The following RBMS3 variants were observed in gnomAD, a reference collection of about 807,000 sequenced individuals.
RBMS3 encodes the protein RNA binding motif single stranded interacting protein 3.
RBMS3 carries 27 observed loss-of-function variants against 66.8 expected under a neutral mutation model. That is an observed-to-expected ratio of 0.40 (90% CI 0.30 to 0.56). The LOEUF is 0.56. RBMS3 is among the 20% of genes least tolerant of loss of function. The pLI is 0.40. For missense variants in RBMS3, 513 were observed against 549.5 expected (o/e 0.93, Z 0.66); for synonymous variants, 188 against 183.0 (o/e 1.03, Z -0.22).
intron 6 of RBMS3, among the ~76,000 whole-genome samples, chr3:29,866,569 C>T (rs2059368580): frequency 1.3e-5 from 2 of 152,038 alleles, no homozygotes; most frequent in Admixed American, 1.3e-4. Flanking sequence ...TTTAAAATGG[C>T]AAGAGAGAAA....
intron 6 of RBMS3, among the ~76,000 whole-genome samples, chr3:29,862,923 TA>T (rs2059255480): frequency 6.7e-6 from 1 of 150,300 alleles, no homozygotes; most frequent in Non-Finnish European, 1.5e-5. Context: ...AGGATACTAA[TA>T]AAGATATGAT....
chr3:29,461,822 C>T (rs906405543), intron 2 of RBMS3, among the ~76,000 whole-genome samples: 7 of 151,320 alleles, frequency 4.6e-5, no homozygotes, highest in South Asian at 2.1e-4. Flanking sequence ...GGTGCGATCT[C>T]GGCTCACTGC....
chr3:29,779,047 A>C (rs146271283), intron 6 of RBMS3, among the ~76,000 whole-genome samples: 4,440 of 151,950 alleles, frequency 0.029, 83 homozygotes, highest in Non-Finnish European at 0.047. Flanking sequence ...TAGTCTGGTC[A>C]AAGATTCCTC....
Position 29,662,283 on chromosome 3 carries a change from C to T in RBMS3, c.399+75078C>T, listed in dbSNP as rs961753514. 9.9e-5 allele frequency among the ~76,000 whole-genome samples: 15 copies of T among 152,214 alleles called. No homozygotes were observed. The East Asian group carries it at 2.5e-3, about 26-fold the overall frequency. ...AAGAGAGCCCAGTTACACACTTTGACATCTCCTAGTTTTTCAACAGAAGAA... is the reference window on the plus strand; with the variant it reads ...AAGAGAGCCCAGTTACACACTTTGATATCTCCTAGTTTTTCAACAGAAGAA... On this transcript the variant is annotated intron_variant, in intron 4 of 14. Coordinates refer to ENST00000383767, the MANE Select transcript of RBMS3 (RefSeq NM_001003793.3).
At chr3:29,812,617 G>A (rs942885465) in intron 6 of RBMS3, among the ~76,000 whole-genome samples, 16 of 152,156 alleles carry the variant, frequency 1.1e-4, no homozygotes, top group African/African-American at 3.6e-4. Context: ...ACTTGGAATG[G>A]AAGGCATATT....
At chr3:29,799,201 C>T (rs2057312399) in intron 6 of RBMS3, among the ~76,000 whole-genome samples, 1 of 152,140 alleles carries the variant, frequency 6.6e-6, no homozygotes, top group Admixed American at 6.5e-5. Flanking sequence ...ATTTCTAACA[C>T]AGATGGTCAA....
intron 8 of RBMS3, among the ~76,000 whole-genome samples, chr3:29,894,707 A>T (rs1054071489): frequency 1.3e-5 from 2 of 151,570 alleles, no homozygotes; most frequent in Non-Finnish European, 3.0e-5. Flanking sequence ...ATAATTTTTT[A>T]AATTACCACT....
intron 4 of RBMS3, among the ~76,000 whole-genome samples, chr3:29,588,003 G>A (rs974422358): frequency 6.6e-6 from 1 of 151,876 alleles, no homozygotes; most frequent in African/African-American, 2.4e-5. Context: ...TACATATTGC[G>A]CCAATGTCAG....
chr3:29,967,656 G>A lies in RBMS3; in HGVS notation c.1099-20487G>A, dbSNP rs149984760. Among the ~76,000 whole-genome samples, 557 of 152,220 alleles carry A rather than the reference G, an allele frequency of 3.7e-3. 2 individuals are homozygous for A. The highest frequency in any genetic ancestry group is 0.013 in the African/African-American group (536 of 41,518). On this transcript the variant is annotated intron_variant, in intron 12 of 14. Transcript: ENST00000383767. ...TGTTTCAATCTTGCTGCTTGTTATC[G>A]GTCTGTTCAGGGCATCTAATTCTTC...
intron 1 of RBMS3, among the ~76,000 whole-genome samples, chr3:29,286,442 A>T (rs1167115154): frequency 2.0e-5 from 3 of 152,134 alleles, no homozygotes; most frequent in Non-Finnish European, 4.4e-5. Flanking sequence ...GTAGAAACGT[A>T]AAAAGTTCAT....
At chr3:29,986,857 C>T (rs146696839) in intron 12 of RBMS3, among the ~76,000 whole-genome samples, 4,134 of 152,158 alleles carry the variant, frequency 0.027, 72 homozygotes, top group South Asian at 0.059. Context: ...GCATGAGAAT[C>T]GCTTGAACCC....
In RBMS3 at chr3:29,886,788, T is replaced by G. The variant is rs1346382957; in HGVS notation, c.791+2580T>G. 2.6e-5 allele frequency among the ~76,000 whole-genome samples: 4 copies of G among 151,660 alleles called. No homozygotes were observed. The Admixed American group carries it at 2.6e-4, about 10-fold the overall frequency. ...AGGAAAATCCTCTTAGTAGGAAGCA[T>G]CATTAAGAGGATATTAAAATAGTAC... On this transcript the variant is annotated intron_variant, in intron 8 of 14. Coordinates refer to ENST00000383767, the MANE Select transcript of RBMS3 (RefSeq NM_001003793.3).
intron 4 of RBMS3, among the ~76,000 whole-genome samples, chr3:29,590,885 C>T (rs1230853052): frequency 6.6e-6 from 1 of 152,156 alleles, no homozygotes; most frequent in Non-Finnish European, 1.5e-5. Flanking sequence ...TTATGTCACA[C>T]ATTTATAAGA....
Position 29,333,405 on chromosome 3 carries a change from C to T in RBMS3, c.75+51649C>T, listed in dbSNP as rs567847403. Among the ~76,000 whole-genome samples, 10 of 152,126 alleles carry T rather than the reference C, an allele frequency of 6.6e-5. No homozygotes were observed. In the East Asian group the frequency reaches 9.7e-4, roughly 15 times the overall value. ...GCACGTATAACATTCAGTGCTGAGA[C>T]GGTGGCTTAACAATTCATGGGGCTT... On this transcript the variant is annotated intron_variant, in intron 1 of 14. Transcript: ENST00000383767.
At chr3:29,478,202 G>C (rs2043014706) in intron 2 of RBMS3, among the ~76,000 whole-genome samples, 1 of 152,182 alleles carries the variant, frequency 6.6e-6, no homozygotes. Context: ...CAGATACAGT[G>C]AGAACCAATT....
At chr3:29,972,865 AC>A (rs1169495762) in intron 12 of RBMS3, among the ~76,000 whole-genome samples, 1 of 152,102 alleles carries the variant, frequency 6.6e-6, no homozygotes, top group Non-Finnish European at 1.5e-5. Context: ...ATAGAAAACA[AC>A]AAAGCTTCCA....
chr3:29,733,862 T>C (rs1379768412), intron 4 of RBMS3, among the ~76,000 whole-genome samples: 1 of 152,168 alleles, frequency 6.6e-6, no homozygotes, highest in Admixed American at 6.5e-5. Context: ...AGTCTTCTAG[T>C]AGTTTACAGT....
chr3:29,695,388 C>T (rs1344869279), intron 4 of RBMS3, among the ~76,000 whole-genome samples: 1 of 152,052 alleles, frequency 6.6e-6, no homozygotes, highest in Admixed American at 6.6e-5. Flanking sequence ...GTAGGCATTC[C>T]ACAAATGTAA....
At chr3:29,490,492 C>G (rs1185527748) in intron 3 of RBMS3, among the ~76,000 whole-genome samples, 2 of 152,040 alleles carry the variant, frequency 1.3e-5, no homozygotes, top group Admixed American at 6.6e-5. Flanking sequence ...ATGCCTGTGC[C>G]TCTTGGTGAG....
Sources: allele counts gnomAD v4.1 joint callset (sites outside exome capture counted in the v4.1 genomes callset), GRCh38; gene constraint gnomAD v4.1.1; transcripts MANE v1.5; gene names NCBI Gene and HGNC (gene_info 2026-07-23, HGNC 2026-07-21).